Variants in PTAFR observed in about 807,000 individuals in gnomAD.
PTAFR encodes the protein platelet-activating factor receptor.
PTAFR carries 8 observed loss-of-function variants against 14.7 expected under a neutral mutation model. That is an observed-to-expected ratio of 0.54 (90% CI 0.32 to 0.98). The LOEUF is 0.98. PTAFR is among the 50% of genes least tolerant of loss of function. The probability of loss-of-function intolerance (pLI) is 0.04; values close to 1 mark genes in which losing one functional copy is unlikely to be tolerated. For missense variants in PTAFR, 337 were observed against 451.2 expected, an observed-to-expected ratio of 0.75 and a Z score of 2.29; for synonymous variants, 156 against 176.5, an observed-to-expected ratio of 0.88 and a Z score of 0.92.
upstream of PTAFR, among the ~76,000 whole-genome samples, chr1:28,177,363 A>T (rs1321216324): frequency 6.6e-6 from 1 of 152,164 alleles, no homozygotes; most frequent in Non-Finnish European, 1.5e-5. Context: ...AGACCAAGAA[A>T]CATTGAGCCC....
At chr1:28,156,267 A>C (rs544822054) in intron 1 of PTAFR, among the ~76,000 whole-genome samples, 1 of 152,264 alleles carries the variant, frequency 6.6e-6, no homozygotes, top group Non-Finnish European at 1.5e-5. Context: ...ACTCCAAAAA[A>C]AAAAAAAGAA....
In PTAFR at chr1:28,150,274, C is replaced by T. The variant is rs202132979; in HGVS notation, c.748G>A (p.Val250Met). The change falls in exon 2 of 2, where the codon GTG becomes ATG. Residue 250 changes from valine to methionine, a missense_variant. Val to Met is a conservative substitution (Grantham distance 21). Transcript: ENST00000373857. This position sits in a 1 kb window ranked among gnomAD's most constrained non-coding sequence, Gnocchi z 6.3. ...GCAAGGGTCCAGGGCAGCTGCACCA[C>T]GTGGTGGGGCACGAAGCAGATGATG... is the stretch of plus-strand genomic sequence containing the variant. ...VFIICFVPHH[V>M]VQLPWTLAEL... The T allele has an allele frequency of 6.3e-5, 102 of 1,611,884 alleles. No homozygotes were observed. Among genetic ancestry groups the T allele is most frequent in the Non-Finnish European group, 8.1e-5 (96 of 1,178,418 alleles).
intron 1 of PTAFR, among the ~76,000 whole-genome samples, chr1:28,188,800 G>T (rs966307810): frequency 3.3e-5 from 5 of 151,850 alleles, no homozygotes; most frequent in Non-Finnish European, 7.4e-5. Context: ...ATATAACAAA[G>T]AATTTTCAGG....
Position 28,149,922 on chromosome 1 carries a change from G to T in PTAFR, c.*71C>A. On this transcript the variant is annotated 3_prime_UTR_variant, in exon 2 of 2. Transcript: ENST00000373857. ...CAGAGGTGGTGCCCAGACCACAGTAGATATCCCTTCTTCCCCCAGCTCAGT... is the reference window on the plus strand; with the variant it reads ...CAGAGGTGGTGCCCAGACCACAGTATATATCCCTTCTTCCCCCAGCTCAGT... 1 of 1,535,690 alleles carries T rather than the reference G, an allele frequency of 6.5e-7. No homozygotes were observed. The highest frequency in any genetic ancestry group is 8.8e-7 in the Non-Finnish European group (1 of 1,134,686).
At chr1:28,184,743 G>C (rs910515801) in intron 1 of PTAFR, among the ~76,000 whole-genome samples, 1 of 151,940 alleles carries the variant, frequency 6.6e-6, no homozygotes, top group African/African-American at 2.4e-5. Context: ...GAGTTCCAGC[G>C]ATTCTCCTTC....
intron 1 of PTAFR, among the ~76,000 whole-genome samples, chr1:28,172,962 C>T (rs2149002285): frequency 6.6e-6 from 1 of 152,082 alleles, no homozygotes; most frequent in African/African-American, 2.4e-5. Context: ...TTGAAATGGA[C>T]TTTATGAACT....
At chr1:28,192,415 G>A (rs1405964071) in intron 1 of PTAFR, among the ~76,000 whole-genome samples, 1 of 151,778 alleles carries the variant, frequency 6.6e-6, no homozygotes, top group Non-Finnish European at 1.5e-5. Flanking sequence ...AAAATTAGCC[G>A]GGCATGATGG....
In PTAFR at chr1:28,150,617, G is replaced by A; in HGVS notation, c.405C>T (p.Ile135=). The stretch of plus-strand genomic sequence containing the variant: ...CCACCCAGATGACCAAGGACAAAGA[G>A]ATGCCACGCTTGCGGGTGTTGGCCT... The part of the protein sequence containing the change: ...TAQANTRKRG[I]SLSLVIWVAI... The change falls in exon 2 of 2, where the codon ATC becomes ATT. Residue 135 remains isoleucine (I), a synonymous_variant. Coordinates refer to ENST00000373857, the MANE Select transcript of PTAFR (RefSeq NM_000952.5). The surrounding 1 kb of genome is among the most constrained non-coding windows in gnomAD (Gnocchi z 6.3). The A allele has an allele frequency of 6.2e-7, 1 of 1,614,218 alleles. No individual in the cohort carries two copies. Among genetic ancestry groups the A allele is most frequent in the East Asian group, 2.2e-5 (1 of 44,882 alleles).
intron 1 of PTAFR, among the ~76,000 whole-genome samples, chr1:28,152,700 G>C (rs371645071): frequency 6.6e-6 from 1 of 152,140 alleles, no homozygotes; most frequent in Non-Finnish European, 1.5e-5. Context: ...CTGAGATCAA[G>C]CCACTGCACC....
At chr1:28,175,715 G>A (rs1646505921) in intron 1 of PTAFR, among the ~76,000 whole-genome samples, 1 of 152,024 alleles carries the variant, frequency 6.6e-6, no homozygotes, top group African/African-American at 2.4e-5. Flanking sequence ...GTTATTTTCA[G>A]CACCCCCTTC....
At chr1:28,178,704 C>T (rs933722062), upstream of PTAFR, among the ~76,000 whole-genome samples, 5 of 152,068 alleles carry the variant, frequency 3.3e-5, no homozygotes, top group Non-Finnish European at 5.9e-5. Flanking sequence ...ACACTCAGCG[C>T]CTACTCTCAT....
chr1:28,160,501 A>G (rs1646310158), intron 1 of PTAFR, among the ~76,000 whole-genome samples: 1 of 151,822 alleles, frequency 6.6e-6, no homozygotes, highest in African/African-American at 2.4e-5. Context: ...ATTCAAGACC[A>G]GCCTGGGCAA....
At chr1:28,164,650 A>G (rs1048520555) in intron 1 of PTAFR, among the ~76,000 whole-genome samples, 9 of 152,238 alleles carry the variant, frequency 5.9e-5, no homozygotes, top group Non-Finnish European at 7.3e-5. Flanking sequence ...ATTTGTCCAT[A>G]GTCACACAGC....
chr1:28,167,181 T>A (rs1020980511), intron 1 of PTAFR, among the ~76,000 whole-genome samples: 6 of 152,046 alleles, frequency 3.9e-5, no homozygotes, highest in Non-Finnish European at 5.9e-5. Context: ...AACCTGTGGA[T>A]GGGAGAAAAG....
At chr1:28,184,096 T>TG (rs1646585921) in intron 1 of PTAFR, among the ~76,000 whole-genome samples, 2 of 127,892 alleles carry the variant, frequency 1.6e-5, no homozygotes, top group South Asian at 5.2e-4. Context: ...TTTTTTTTTT[T>TG]TTTTTTTTTT....
upstream of PTAFR, among the ~76,000 whole-genome samples, chr1:28,179,912 A>G (rs1756963): frequency 0.031 from 4,720 of 152,304 alleles, 230 homozygotes; most frequent in African/African-American, 0.1. Flanking sequence ...AGAGGAATAA[A>G]TTAAAGGACC....
chr1:28,188,739 C>G (rs1270784485), intron 1 of PTAFR, among the ~76,000 whole-genome samples: 1 of 151,578 alleles, frequency 6.6e-6, no homozygotes, highest in African/African-American at 2.4e-5. Flanking sequence ...TAAAAAAAAA[C>G]AAAAACCAAA....
At position 28,173,890 on chromosome 1, in the gene PTAFR, G is replaced by A. The variant is rs548472904; in HGVS notation, c.-39+2702C>T. Among the ~76,000 whole-genome samples the A allele has an allele frequency of 6.9e-4, 105 of 152,076 alleles. 2 individuals carry two copies. In the South Asian group the frequency reaches 1.0e-2, roughly 14 times the overall value. On this transcript the variant is annotated intron_variant, in intron 1 of 1. Transcript: ENST00000373857. ...ACAGAATCTGGCTGTGATTCCCCTC[G>A]GCCAAAGACACACAGAGGCATATCA...
chr1:28,155,488 G>A lies in PTAFR; in HGVS notation c.-38-4429C>T, dbSNP rs185156709. On this transcript the variant is annotated intron_variant, in intron 1 of 1. Coordinates refer to ENST00000373857, the MANE Select transcript of PTAFR (RefSeq NM_000952.5). Reference sequence around the variant, plus strand: ...CTCCCAAAGTGCTGGGATTACAGGCGTGAGCCATCTCGCCTGGCTCCACTC... The same window carrying A: ...CTCCCAAAGTGCTGGGATTACAGGCATGAGCCATCTCGCCTGGCTCCACTC... Among the ~76,000 whole-genome samples, 278 of 152,252 alleles carry A rather than the reference G, an allele frequency of 1.8e-3. 2 individuals are homozygous for A. The highest frequency in any genetic ancestry group is 6.0e-3 in the African/African-American group (249 of 41,552).
Sources: gnomAD v4.1 joint callset for allele counts (sites outside exome capture counted in the v4.1 genomes callset) on GRCh38, gnomAD v4.1.1 for gene constraint, Gnocchi (gnomAD v3.1) non-coding constraint, MANE v1.5 for transcripts, NCBI Gene and HGNC (gene_info 2026-07-23, HGNC 2026-07-21) for gene names.